Variants in LYPLAL1 observed in about 807,000 individuals in gnomAD.
LYPLAL1 encodes the protein lysophospholipase like 1, also known as lysophospholipase-like protein 1.
A neutral mutation model predicts 19.7 loss-of-function variants in LYPLAL1; 23 were observed. The observed-to-expected ratio is 1.17, with a 90% CI of 0.84 to 1.65. The LOEUF is 1.65. LYPLAL1 is among the 40% of genes most tolerant of loss of function. The pLI is 0.00. For synonymous variants in LYPLAL1, 119 were observed against 96.3 expected (o/e 1.24, Z -1.38); for missense variants, 355 against 279.4 (o/e 1.27, Z -1.93).
the LYPLAL1 span, among the ~76,000 whole-genome samples, chr1:219,280,906 A>G: frequency 6.6e-6 from 1 of 152,102 alleles, no homozygotes; most frequent in African/African-American, 2.4e-5. Context: ...AAAATTAGCC[A>G]AGTGTGGCGG....
the LYPLAL1 span, among the ~76,000 whole-genome samples, chr1:219,261,613 T>G: frequency 6.6e-6 from 1 of 152,220 alleles, no homozygotes; most frequent in South Asian, 2.1e-4. Context: ...TTATCTCTCC[T>G]TCGTTTATGA....
chr1:219,184,144 A>G (rs1276264313), intron 2 of LYPLAL1, among the ~76,000 whole-genome samples: 1 of 151,880 alleles, frequency 6.6e-6, no homozygotes, highest in Non-Finnish European at 1.5e-5. Context: ...TGATTTAGAG[A>G]AAATAGATGC....
At chr1:219,392,604 C>A in the LYPLAL1 span, among the ~76,000 whole-genome samples, 2 of 152,136 alleles carry the variant, frequency 1.3e-5, no homozygotes, top group Non-Finnish European at 2.9e-5. Context: ...TGTTAAAAGT[C>A]ACCTAAATAA....
chr1:219,429,067 T>C, the LYPLAL1 span, among the ~76,000 whole-genome samples: 2 of 152,204 alleles, frequency 1.3e-5, no homozygotes, highest in African/African-American at 4.8e-5. Flanking sequence ...GTATTTCTTG[T>C]GTTGCTTAGT....
At chr1:219,400,425 T>C in the LYPLAL1 span, among the ~76,000 whole-genome samples, 1 of 152,106 alleles carries the variant, frequency 6.6e-6, no homozygotes, top group Non-Finnish European at 1.5e-5. Flanking sequence ...TAGCCTCCAA[T>C]GCCTGATTTC....
the LYPLAL1 span, among the ~76,000 whole-genome samples, chr1:219,237,351 A>T: frequency 2.0e-5 from 3 of 152,246 alleles, no homozygotes; most frequent in Non-Finnish European, 4.4e-5. Flanking sequence ...ATTATATATT[A>T]ACCAAGCCAT....
the LYPLAL1 span, among the ~76,000 whole-genome samples, chr1:219,387,923 A>G: frequency 1.2e-3 from 179 of 152,262 alleles, no homozygotes; most frequent in Non-Finnish European, 1.9e-3. Flanking sequence ...GTTCTAATTC[A>G]CACACAGGTG....
the LYPLAL1 span, among the ~76,000 whole-genome samples, chr1:219,244,992 G>A: frequency 4.2e-4 from 50 of 118,766 alleles, no homozygotes; most frequent in African/African-American, 1.6e-3. Context: ...TTTTTTCCTT[G>A]CTTCTTTATT....
chr1:219,175,490 C>G (rs1655739421), intron 1 of LYPLAL1, among the ~76,000 whole-genome samples: 1 of 152,146 alleles, frequency 6.6e-6, no homozygotes, highest in South Asian at 2.1e-4. Context: ...AACTCCTAGA[C>G]TATGTTCTTT....
At chr1:219,411,544 C>A in the LYPLAL1 span, among the ~76,000 whole-genome samples, 491 of 152,290 alleles carry the variant, frequency 3.2e-3, no homozygotes, top group Non-Finnish European at 5.4e-3. Flanking sequence ...TACCAATCAG[C>A]AGGATGTGGG....
the LYPLAL1 span, among the ~76,000 whole-genome samples, chr1:219,406,696 A>G: frequency 2.6e-5 from 4 of 152,250 alleles, no homozygotes; most frequent in East Asian, 1.9e-4. Context: ...TTTGTAACCC[A>G]TGCTTTTAGG....
the LYPLAL1 span, among the ~76,000 whole-genome samples, chr1:219,260,984 C>A: frequency 6.6e-6 from 1 of 151,884 alleles, no homozygotes; most frequent in Non-Finnish European, 1.5e-5. Flanking sequence ...TTTCAATAAT[C>A]CTTGGGTCAC....
chr1:219,386,571 G>C, the LYPLAL1 span, among the ~76,000 whole-genome samples: 2 of 152,046 alleles, frequency 1.3e-5, no homozygotes, highest in Non-Finnish European at 2.9e-5. Flanking sequence ...GGATCAACTT[G>C]AGGCCTCTTC....
At chr1:219,210,988 TA>T (rs1226678647) in intron 4 of LYPLAL1, among the ~76,000 whole-genome samples, 1 of 152,108 alleles carries the variant, frequency 6.6e-6, no homozygotes, top group Non-Finnish European at 1.5e-5. Context: ...ATCATGAACA[TA>T]AAACAAAAAT....
chr1:219,358,583 C>T, the LYPLAL1 span, among the ~76,000 whole-genome samples: 1 of 152,080 alleles, frequency 6.6e-6, no homozygotes, highest in South Asian at 2.1e-4. Context: ...GCACATCTTA[C>T]AGGGTGGCAG....
chr1:219,434,395 T>A, the LYPLAL1 span, among the ~76,000 whole-genome samples: 1 of 152,178 alleles, frequency 6.6e-6, no homozygotes, highest in African/African-American at 2.4e-5. Flanking sequence ...GCCTGGAGCT[T>A]CAACGGATTA....
the LYPLAL1 span, among the ~76,000 whole-genome samples, chr1:219,407,216 C>CA: frequency 6.6e-5 from 10 of 151,570 alleles, no homozygotes; most frequent in African/African-American, 9.7e-5. Context: ...GCTAGGAAAA[C>CA]AAAAAAAATG....
At chr1:219,237,470 C>T in the LYPLAL1 span, among the ~76,000 whole-genome samples, 1 of 152,262 alleles carries the variant, frequency 6.6e-6, no homozygotes, top group Non-Finnish European at 1.5e-5. Context: ...TAATGTGATA[C>T]AAAGTTTCAT....
the LYPLAL1 span, among the ~76,000 whole-genome samples, chr1:219,280,525 A>G: frequency 6.6e-6 from 1 of 152,136 alleles, no homozygotes; most frequent in East Asian, 1.9e-4. Flanking sequence ...TAATTTTTTC[A>G]CATTTATTGG....
Sources: gnomAD v4.1 joint callset for allele counts (sites outside exome capture counted in the v4.1 genomes callset) on GRCh38, gnomAD v4.1.1 for gene constraint, MANE v1.5 for transcripts, NCBI Gene and HGNC (gene_info 2026-07-23, HGNC 2026-07-21) for gene names.